Variants in ADRA1D observed in about 807,000 individuals in gnomAD.
The protein encoded by ADRA1D is alpha-1D adrenergic receptor.
ADRA1D carries 22 observed loss-of-function variants against 18.6 expected under a neutral mutation model. That is an observed-to-expected ratio of 1.19 (90% CI 0.85 to 1.69). ADRA1D has a LOEUF of 1.69. ADRA1D is among the 40% of genes most tolerant of loss of function. The pLI is 0.00. For synonymous variants in ADRA1D, 376 were observed against 388.2 expected, an observed-to-expected ratio of 0.97 and a Z score of 0.37; for missense variants, 840 against 840.7, an observed-to-expected ratio of 1.00 and a Z score of 0.01.
intron 1 of ADRA1D, among the ~76,000 whole-genome samples, chr20:4,225,413 C>CA (rs1286684161): frequency 7.9e-6 from 1 of 126,338 alleles, no homozygotes; most frequent in Non-Finnish European, 1.6e-5. Context: ...GTAGCTATTA[C>CA]TTTTTTTTTT....
At chr20:4,224,538 C>A (rs1305031116) in intron 1 of ADRA1D, among the ~76,000 whole-genome samples, 1 of 145,524 alleles carries the variant, frequency 6.9e-6, no homozygotes, top group Admixed American at 7.1e-5. Context: ...GGCAAGAAAG[C>A]AGGGGGCCAG....
chr20:4,234,155 G>C (rs1981035047), intron 1 of ADRA1D, among the ~76,000 whole-genome samples: 1 of 152,230 alleles, frequency 6.6e-6, no homozygotes, highest in South Asian at 2.1e-4. Context: ...TTACAGCCCA[G>C]ATTATCATAA....
intron 1 of ADRA1D, among the ~76,000 whole-genome samples, chr20:4,234,762 C>T (rs1449655823): frequency 6.6e-6 from 1 of 152,208 alleles, no homozygotes; most frequent in Non-Finnish European, 1.5e-5. Flanking sequence ...ATACAGTACA[C>T]TTGAGCCAAG....
intron 1 of ADRA1D, among the ~76,000 whole-genome samples, chr20:4,226,755 CTTTGT>C (rs1980809725): frequency 6.6e-6 from 1 of 152,204 alleles, no homozygotes; most frequent in African/African-American, 2.4e-5. Flanking sequence ...TCTGCCACAA[CTTTGT>C]TTTATGTGTT....
At chr20:4,240,236 A>G (rs537677039) in intron 1 of ADRA1D, among the ~76,000 whole-genome samples, 1 of 152,322 alleles carries the variant, frequency 6.6e-6, no homozygotes, top group South Asian at 2.1e-4. Context: ...GTGGAGGCTT[A>G]CCGAGTAAAG....
intron 1 of ADRA1D, among the ~76,000 whole-genome samples, chr20:4,237,351 C>T (rs555461195): frequency 1.6e-4 from 25 of 151,774 alleles, no homozygotes; most frequent in African/African-American, 5.6e-4. Flanking sequence ...TGTGATCACA[C>T]GACTGCACCC....
Position 4,221,904 on chromosome 20 carries a change from G to A in ADRA1D, c.1338C>T (p.Arg446=). The A allele has an allele frequency of 6.6e-7, 1 of 1,523,238 alleles. No individual in the cohort carries two copies. The highest frequency in any genetic ancestry group is 8.8e-7 in the Non-Finnish European group (1 of 1,138,226). The allele number at this position is 1,523,238 out of a possible 1,614,324, so 94.4% of individuals were successfully genotyped here. Residue 446 remains arginine, a synonymous_variant, in exon 2 of 2, where the codon CGC becomes CGT. Transcript: ENST00000379453. ...HHWRASTSGL[R]QDCAPSSGDA... The stretch of plus-strand genomic sequence containing the variant: ...CGCCCGAACTCGGGGCGCAGTCCTG[G>A]CGCAGGCCGCTGGTGGAGGCCCGCC...
In ADRA1D at chr20:4,248,442, C is replaced by G; in HGVS notation, c.516G>C (p.Trp172Cys). The change falls in exon 1 of 2, where the codon TGG becomes TGC. Residue 172 changes from tryptophan to cysteine, a missense_variant. Trp to Cys is a radical substitution (Grantham distance 215, BLOSUM62 -2). Coordinates refer to ENST00000379453, the MANE Select transcript of ADRA1D (RefSeq NM_000678.4). ...TGCAGCACAGCACGTCCACGGCGGC[C>G]CATACGTCGCAGAAGGCGCGGCCAA... ...WAFGRAFCDV[W>C]AAVDVLCCTA... is the part of the protein sequence containing the mutation. 6.2e-7 allele frequency: 1 copy of G among 1,612,160 alleles called. No individual in the cohort carries two copies. The highest frequency in any genetic ancestry group is 8.5e-7 in the Non-Finnish European group (1 of 1,179,288).
At chr20:4,244,506 T>A (rs764268677) in intron 1 of ADRA1D, among the ~76,000 whole-genome samples, 8 of 152,122 alleles carry the variant, frequency 5.3e-5, no homozygotes, top group African/African-American at 9.7e-5. Context: ...CCTGCAACCA[T>A]CCCCATCTTT....
intron 1 of ADRA1D, among the ~76,000 whole-genome samples, chr20:4,247,108 A>AGGGGTAG (rs1223667177): frequency 2.0e-5 from 3 of 152,210 alleles, no homozygotes; most frequent in Non-Finnish European, 4.4e-5. Context: ...CGGCCTCTGA[A>AGGGGTAG]GACAGCTGCC....
At position 4,222,790 on chromosome 20, in the gene ADRA1D, T is replaced by C. The variant is rs1980704049; in HGVS notation, c.1112-660A>G. Among the ~76,000 whole-genome samples the C allele has an allele frequency of 6.6e-6, 1 of 152,202 alleles. No individual in the cohort carries two copies. The highest frequency in any genetic ancestry group is 1.5e-5 in the Non-Finnish European group (1 of 68,044). ...CAAGTTCAATAAAATTTTGTACATA[T>C]GGAACCCGCGCTACCTATATATAAA... On this transcript the variant is annotated intron_variant, in intron 1 of 1. Transcript: ENST00000379453. This position sits in a 1 kb window ranked among gnomAD's most constrained non-coding sequence, Gnocchi z 4.3.
rs1318670027 is a variant in ADRA1D, at chr20:4,231,090, T to TCTTTCTCTCTCTCTCTCTC, written c.1112-8961_1112-8960insGAGAGAGAGAGAGAGAAAG. On this transcript the variant is annotated intron_variant, in intron 1 of 1. Transcript: ENST00000379453. ...TCTCTCTCTCTCTCTCTCTTTTCTT[T>TCTTTCTCTCTCTCTCTCTC]TCTTTTCTTTCTTTCTTTCTCTCTT... 5.9e-3 allele frequency among the ~76,000 whole-genome samples: 398 copies of TCTTTCTCTCTCTCTCTCTC among 67,356 alleles called. 2 individuals carry two copies. Among genetic ancestry groups the TCTTTCTCTCTCTCTCTCTC allele is most frequent in the East Asian group, 0.014 (25 of 1,748 alleles). 44.2% of individuals were successfully genotyped at this position (67,356 alleles called of 152,430 possible). A position where few individuals can be genotyped will look rare whatever the true frequency, so the allele number is the denominator to read the frequency against.
intron 1 of ADRA1D, among the ~76,000 whole-genome samples, chr20:4,227,994 T>A (rs2122659133): frequency 6.6e-6 from 1 of 152,244 alleles, no homozygotes; most frequent in Admixed American, 6.5e-5. Context: ...CAGCTGGGGA[T>A]CCTTTTAAAA....
Position 4,221,641 on chromosome 20 carries a change from G to T in ADRA1D, c.1601C>A (p.Ala534Asp). The change falls in exon 2 of 2, where the codon GCC (alanine) becomes GAC (aspartate). Residue 534 changes from alanine to aspartate, a missense_variant. Coordinates refer to ENST00000379453, the MANE Select transcript of ADRA1D (RefSeq NM_000678.4). ...GGAQRAEAAC[A>D]QRSEVEAVSL... The stretch of plus-strand genomic sequence containing the variant: ...CACAGCCTCCACCTCTGAGCGCTGG[G>T]CGCACGCTGCCTCTGCGCGCTGCGC... 1 of 1,612,914 alleles carries T rather than the reference G, an allele frequency of 6.2e-7. No homozygotes were observed.
chr20:4,242,273 A>G (rs1981231402), intron 1 of ADRA1D, among the ~76,000 whole-genome samples: 1 of 152,214 alleles, frequency 6.6e-6, no homozygotes. Context: ...ACCGTGGTCC[A>G]GTCTATGGAT....
intron 1 of ADRA1D, among the ~76,000 whole-genome samples, chr20:4,227,171 T>G (rs538832168): frequency 2.4e-4 from 36 of 152,344 alleles, no homozygotes; most frequent in African/African-American, 8.7e-4. Context: ...TCTGTCTTCA[T>G]GTGCAACAGC....
rs1204376375 is a variant in ADRA1D, at chr20:4,239,130, G to T, written c.1111+8717C>A. Among the ~76,000 whole-genome samples, 1 of 151,884 alleles carries T rather than the reference G, an allele frequency of 6.6e-6. No individual in the cohort carries two copies. Among genetic ancestry groups the T allele is most frequent in the Non-Finnish European group, 1.5e-5 (1 of 67,972 alleles). On this transcript the variant is annotated intron_variant, in intron 1 of 1. Transcript: ENST00000379453. This position sits in a 1 kb window ranked among gnomAD's most constrained non-coding sequence, Gnocchi z 4.9. ...ATAGGCCTTGGAGGAGGGGAGGAGG[G>T]GAAGGTCATTGTAGTCTCAAGGCCA...
chr20:4,233,333 C>T (rs1236763048), intron 1 of ADRA1D, among the ~76,000 whole-genome samples: 1 of 151,736 alleles, frequency 6.6e-6, no homozygotes, highest in African/African-American at 2.4e-5. Flanking sequence ...TGGTGGTGCA[C>T]ACCTGTAGCC....
chr20:4,226,354 A>G (rs1980799655), intron 1 of ADRA1D, among the ~76,000 whole-genome samples: 1 of 152,250 alleles, frequency 6.6e-6, no homozygotes, highest in African/African-American at 2.4e-5. Context: ...GAGCAGACTG[A>G]CAAGAGTAGA....
Sources: gnomAD v4.1 joint callset for allele counts (sites outside exome capture counted in the v4.1 genomes callset) on GRCh38, gnomAD v4.1.1 for gene constraint, Gnocchi (gnomAD v3.1) non-coding constraint, MANE v1.5 for transcripts, NCBI Gene and HGNC (gene_info 2026-07-23, HGNC 2026-07-21) for gene names.